Variants in HCRTR1 observed in about 807,000 individuals in gnomAD.
HCRTR1 encodes the protein hypocretin receptor 1.
HCRTR1 carries 28 observed loss-of-function variants against 40.6 expected under a neutral mutation model. That is an observed-to-expected ratio of 0.69 (90% CI 0.51 to 0.95). The LOEUF (loss-of-function observed/expected upper bound fraction) is 0.95. Ranked by LOEUF, HCRTR1 falls within the 40% of genes least tolerant of loss-of-function variation. The pLI is 0.00. For missense variants in HCRTR1, 482 were observed against 564.7 expected (o/e 0.85, Z 1.48); for synonymous variants, 209 against 230.0 (o/e 0.91, Z 0.83).
chr1:31,624,310 T>C (rs1412853637), intron 7 of HCRTR1, among the ~76,000 whole-genome samples: 1 of 151,990 alleles, frequency 6.6e-6, no homozygotes, highest in African/African-American at 2.4e-5. Flanking sequence ...ATTCAAAAAA[T>C]TAGCCAGCCA....
chr1:31,621,527 C>G lies in HCRTR1; in HGVS notation c.673C>G (p.Leu225Val), dbSNP rs777211156. Reference protein sequence around the residue: ...YHSCFFIVTYLAPLGLMAMAY... With the variant: ...YHSCFFIVTYVAPLGLMAMAY... Reference sequence around the variant, plus strand: ...CAGTTGCTTCTTTATTGTCACCTACCTGGCCCCACTGGGCCTCATGGCCAT... The same window carrying G: ...CAGTTGCTTCTTTATTGTCACCTACGTGGCCCCACTGGGCCTCATGGCCAT... The change falls in exon 6 of 9, where the codon CTG (leucine) becomes GTG (valine). Residue 225 changes from leucine (L) to valine (V), a missense_variant. By Grantham distance (32) the Leu-to-Val change is conservative. Coordinates refer to ENST00000403528, the MANE Select transcript of HCRTR1 (RefSeq NM_001525.3). The G allele has an allele frequency of 5.6e-6, 9 of 1,614,030 alleles. No individual in the cohort carries two copies. The highest frequency in any genetic ancestry group is 2.2e-5 in the East Asian group (1 of 44,898).
At position 31,621,522 on chromosome 1, in the gene HCRTR1, C is replaced by T. The variant is rs202151567; in HGVS notation, c.668C>T (p.Thr223Ile). ...KIYHSCFFIVTYLAPLGLMAM... is the reference protein window; with the variant it reads ...KIYHSCFFIVIYLAPLGLMAM... ...TACCACAGTTGCTTCTTTATTGTCA[C>T]CTACCTGGCCCCACTGGGCCTCATG... The change falls in exon 6 of 9, where the codon ACC becomes ATC. Residue 223 changes from threonine to isoleucine, a missense_variant. Physicochemically the swap from Thr to Ile is moderately conservative, Grantham distance 89. Transcript: ENST00000403528. 1.6e-4 allele frequency: 253 copies of T among 1,614,132 alleles called. No individual in the cohort carries two copies. Among genetic ancestry groups the T allele is most frequent in the Non-Finnish European group, 1.7e-4 (206 of 1,180,000 alleles).
downstream of HCRTR1, chr1:31,632,553 G>T (rs769975687): frequency 1.1e-5 from 17 of 1,614,122 alleles, no homozygotes; most frequent in Non-Finnish European, 1.4e-5. Flanking sequence ...ACTGCTGGAA[G>T]AGGTTCTTCC....
chr1:31,621,434 G>A lies in HCRTR1; in HGVS notation c.623-43G>A, dbSNP rs1430978191. 6 of 1,423,586 alleles carry A rather than the reference G, an allele frequency of 4.2e-6. No homozygotes were observed. In the African/African-American group the frequency reaches 8.4e-5, roughly 20 times the overall value. 88.2% of individuals were successfully genotyped at this position (1,423,586 alleles called of 1,614,324 possible). On this transcript the variant is annotated intron_variant, in intron 5 of 8. Transcript: ENST00000403528. ...GCATTGCTAACCAGGGCAGGGTGGGGCTCACGGATTGGGCCTGACTCTGCA... is the reference window on the plus strand; with the variant it reads ...GCATTGCTAACCAGGGCAGGGTGGGACTCACGGATTGGGCCTGACTCTGCA...
Position 31,627,124 on chromosome 1 carries a change from TTG to T in HCRTR1, c.*148_*149del. On this transcript the variant is annotated 3_prime_UTR_variant, in exon 9 of 9. Coordinates refer to ENST00000403528, the MANE Select transcript of HCRTR1 (RefSeq NM_001525.3). Reference sequence around the variant, plus strand: ...GATAAGTCACTTCCTCTGTCTGAGCTTGTGTCCCCTAAGCAGGGTTGATGTGA... The same window carrying T: ...GATAAGTCACTTCCTCTGTCTGAGCTTGTCCCCTAAGCAGGGTTGATGTGA... The T allele has an allele frequency of 7.0e-7, 1 of 1,431,284 alleles. No homozygotes were observed. Among genetic ancestry groups the T allele is most frequent in the Non-Finnish European group, 9.3e-7 (1 of 1,075,528 alleles). 88.7% of individuals were successfully genotyped at this position (1,431,284 alleles called of 1,614,324 possible).
chr1:31,629,230 A>T (rs1640033583), downstream of HCRTR1, among the ~76,000 whole-genome samples: 1 of 152,182 alleles, frequency 6.6e-6, no homozygotes, highest in African/African-American at 2.4e-5. Context: ...GCTGGGCCTC[A>T]CTGACCTGCA....
downstream of HCRTR1, among the ~76,000 whole-genome samples, chr1:31,633,976 A>C (rs557350312): frequency 2.4e-3 from 364 of 151,902 alleles, no homozygotes; most frequent in African/African-American, 8.4e-3. Flanking sequence ...AAACAAAAAA[A>C]CCCAAAAAAA....
chr1:31,624,137 T>C lies in HCRTR1; in HGVS notation c.965+388T>C, dbSNP rs148884220. Among the ~76,000 whole-genome samples, 15 of 152,272 alleles carry C rather than the reference T, an allele frequency of 9.9e-5. No homozygotes were observed. The East Asian group carries it at 2.9e-3, about 29-fold the overall frequency. ...GACAATGATAAGGGTTGGTGGGTTT[T>C]TGCTTTTGCTTTAGATACAATGGTT... On this transcript the variant is annotated intron_variant, in intron 7 of 8. Transcript: ENST00000403528.
chr1:31,630,667 G>A, downstream of HCRTR1: 2 of 1,613,580 alleles, frequency 1.2e-6, no homozygotes, highest in South Asian at 2.2e-5. Context: ...TGAGCCGAAT[G>A]TTGCCTTGTA....
At chr1:31,630,966 G>A, downstream of HCRTR1, 1 of 807,408 alleles carries the variant, frequency 1.2e-6, no homozygotes, top group Middle Eastern at 2.3e-4. Context: ...AGCACAAAGA[G>A]GGTAGAGAAA....
chr1:31,622,277 C>T (rs570460572), intron 6 of HCRTR1, among the ~76,000 whole-genome samples: 4 of 152,118 alleles, frequency 2.6e-5, no homozygotes, highest in East Asian at 1.9e-4. Flanking sequence ...CCTGGATTGG[C>T]GTCTGGGCGG....
Position 31,626,720 on chromosome 1 carries a change from T to C in HCRTR1, c.1088-70T>C. On this transcript the variant is annotated intron_variant, in intron 8 of 8. Coordinates refer to ENST00000403528, the MANE Select transcript of HCRTR1 (RefSeq NM_001525.3). The surrounding 1 kb of genome is among the most constrained non-coding windows in gnomAD (Gnocchi z 4.6). ...CAGCTTGGCTGGAGCTGCGTGGGTG[T>C]CCCTGGGCTCAAGGCCCCTTCCTGC... 1.5e-6 allele frequency: 2 copies of C among 1,295,930 alleles called. No individual in the cohort carries two copies. The highest frequency in any genetic ancestry group is 2.0e-6 in the Non-Finnish European group (2 of 985,936). The allele number at this position is 1,295,930 out of a possible 1,614,324, so 80.3% of individuals were successfully genotyped here.
chr1:31,633,694 G>A (rs145619537), downstream of HCRTR1, among the ~76,000 whole-genome samples: 484 of 152,310 alleles, frequency 3.2e-3, 1 homozygote, highest in African/African-American at 0.011. Flanking sequence ...AGTGGCTCAC[G>A]ACTGTAATCC....
At chr1:31,627,994 G>C (rs1000020448), downstream of HCRTR1, among the ~76,000 whole-genome samples, 5 of 152,224 alleles carry the variant, frequency 3.3e-5, no homozygotes, top group African/African-American at 1.2e-4. Flanking sequence ...GATAAAAAGA[G>C]AAAGCCACAG....
In HCRTR1 at chr1:31,623,638, CTGAAG is replaced by C; in HGVS notation, c.860_864del (p.Val287AlafsTer33). The C allele has an allele frequency of 1.9e-6, 3 of 1,614,036 alleles. No individual in the cohort carries two copies. Among genetic ancestry groups the C allele is most frequent in the Non-Finnish European group, 1.7e-6 (2 of 1,180,046 alleles). ...CAGCCCCGGGCCCGCGCCTTCCTGG[CTGAAG>C]TGAAGCAGATGCGTGCACGGAGGAA... On this transcript the variant is annotated frameshift_variant, in exon 7 of 9. Transcript: ENST00000403528. LOFTEE classifies it high-confidence loss of function.
intron 5 of HCRTR1, among the ~76,000 whole-genome samples, 159 bp from the exon 6 acceptor site, chr1:31,621,318 T>G (rs951040823): frequency 6.6e-6 from 1 of 151,410 alleles, no homozygotes; most frequent in Non-Finnish European, 1.5e-5. Flanking sequence ...ACAACCCAAG[T>G]TGGACAACTC....
At chr1:31,631,572 C>T (rs1640104821), downstream of HCRTR1, among the ~76,000 whole-genome samples, 1 of 152,138 alleles carries the variant, frequency 6.6e-6, no homozygotes, top group Admixed American at 6.5e-5. Context: ...CCTCAGTTTT[C>T]TCACCGGTAA....
chr1:31,627,078 G>C lies in HCRTR1; in HGVS notation c.*98G>C. The C allele has an allele frequency of 1.3e-6, 2 of 1,511,470 alleles. No homozygotes were observed. The highest frequency in any genetic ancestry group is 1.8e-6 in the Non-Finnish European group (2 of 1,131,368). The allele number at this position is 1,511,470 out of a possible 1,614,324, so 93.6% of individuals were successfully genotyped here. A position where few individuals can be genotyped will look rare whatever the true frequency, so the allele number is the denominator to read the frequency against. The stretch of plus-strand genomic sequence containing the variant: ...TGAAAGGCTGTGGCTTCAGTCCTGG[G>C]TTTCTGCCTGTGTGACTCTGGATAA... On this transcript the variant is annotated 3_prime_UTR_variant, in exon 9 of 9. Coordinates refer to ENST00000403528, the MANE Select transcript of HCRTR1 (RefSeq NM_001525.3).
chr1:31,633,799 T>C (rs1354374383), downstream of HCRTR1, among the ~76,000 whole-genome samples: 3 of 151,744 alleles, frequency 2.0e-5, no homozygotes, highest in South Asian at 2.1e-4. Flanking sequence ...CTACTAAAAA[T>C]AGAAAATTAG....
Sources: gnomAD v4.1 joint callset for allele counts (sites outside exome capture counted in the v4.1 genomes callset) on GRCh38, gnomAD v4.1.1 for gene constraint, Gnocchi (gnomAD v3.1) non-coding constraint, MANE v1.5 for transcripts, NCBI Gene and HGNC (gene_info 2026-07-23, HGNC 2026-07-21) for gene names.